Variants in DIRAS1 observed in about 807,000 individuals in gnomAD.
The protein encoded by DIRAS1 is GTP-binding protein Di-Ras1.
DIRAS1 carries 3 observed loss-of-function variants against 11.5 expected under a neutral mutation model. The ratio of observed to expected loss-of-function variants is 0.26; its 90% CI spans 0.12 to 0.67. DIRAS1 has a LOEUF of 0.67. Among genes scored for constraint, DIRAS1 ranks in the 30% least tolerant of loss-of-function variants. DIRAS1 has a pLI of 0.80. For synonymous variants in DIRAS1, 128 were observed against 125.8 expected (o/e 1.02, Z -0.12); for missense variants, 212 against 285.3 (o/e 0.74, Z 1.85).
chr19:2,714,773 T>C lies in DIRAS1; in HGVS notation c.*2437A>G, dbSNP rs2014626. 0.68 allele frequency: 103,113 copies of C among 152,668 alleles called. 36,110 individuals carry two copies. Among genetic ancestry groups the C allele is most frequent in the African/African-American group, 0.88 (36,704 of 41,536 alleles). The allele number at this position is 152,668 out of a possible 1,614,324, so 9.5% of individuals were successfully genotyped here. A position where few individuals can be genotyped will look rare whatever the true frequency, so the allele number is the denominator to read the frequency against. ...GGCCAGCAGCCAGGACAGGCTCGGG[T>C]CCCCTCCTATTGCAGATGCCCTCTC... On this transcript the variant is annotated 3_prime_UTR_variant, in exon 2 of 2. Transcript: ENST00000323469.
chr19:2,720,046 C>G (rs539670877), intron 1 of DIRAS1, among the ~76,000 whole-genome samples: 1 of 152,168 alleles, frequency 6.6e-6, no homozygotes, highest in Non-Finnish European at 1.5e-5. Context: ...CTGGGCGCCT[C>G]GGCAATGCCA....
chr19:2,717,645 C>A lies in DIRAS1; in HGVS notation c.162G>T (p.Val54=). 6.2e-7 allele frequency: 1 copy of A among 1,613,176 alleles called. No homozygotes were observed. The highest frequency in any genetic ancestry group is 8.5e-7 in the Non-Finnish European group (1 of 1,180,006). Residue 54 remains valine, a synonymous_variant, in exon 2 of 2, where the codon GTG becomes GTT. Transcript: ENST00000323469. ...YRQVISCDKS[V]CTLQITDTTG... is the part of the protein sequence containing the mutation. ...TGGTGTCTGTGATCTGCAGCGTGCA[C>A]ACGCTCTTGTCGCAGCTGATCACCT...
rs889333363 is a variant in DIRAS1, at chr19:2,715,432, C to T, written c.*1778G>A. The T allele has an allele frequency of 3.2e-4, 48 of 152,340 alleles. 1 individual carries two copies. Among genetic ancestry groups the T allele is most frequent in the Middle Eastern group, 3.4e-3 (1 of 296 alleles). The allele number at this position is 152,340 out of a possible 1,614,324, so 9.4% of individuals were successfully genotyped here. Reference sequence around the variant, plus strand: ...AGAACAAAGGGCAGCTTCCAGCCAACAGCCAGCGAGGAACTGAGGCCTTCA... The same window carrying T: ...AGAACAAAGGGCAGCTTCCAGCCAATAGCCAGCGAGGAACTGAGGCCTTCA... On this transcript the variant is annotated 3_prime_UTR_variant, in exon 2 of 2. Coordinates refer to ENST00000323469, the MANE Select transcript of DIRAS1 (RefSeq NM_145173.4).
Position 2,717,585 on chromosome 19 carries a change from C to A in DIRAS1, c.222G>T (p.Leu74=), listed in dbSNP as rs563897648. 1.1e-5 allele frequency: 17 copies of A among 1,613,164 alleles called. No individual in the cohort carries two copies. The South Asian group carries it at 1.9e-4, about 18-fold the overall frequency. ...TGAAGGCGTGGCCCTTGGAGATGGA[C>A]AGGCGCTGCATGGCCGGGAACTGGT... ...GSHQFPAMQR[L]SISKGHAFIL... is the part of the protein sequence containing the mutation. The change falls in exon 2 of 2, where the codon CTG becomes CTT. Residue 74 remains leucine (L), a synonymous_variant. Coordinates refer to ENST00000323469, the MANE Select transcript of DIRAS1 (RefSeq NM_145173.4).
At position 2,718,977 on chromosome 19, in the gene DIRAS1, C is replaced by T. The variant is rs1426969883; in HGVS notation, c.-69-1102G>A. On this transcript the variant is annotated intron_variant, in intron 1 of 1. Coordinates refer to ENST00000323469, the MANE Select transcript of DIRAS1 (RefSeq NM_145173.4). The surrounding 1 kb of genome is among the most constrained non-coding windows in gnomAD (Gnocchi z 4.2). ...CTGGGATTACAGGCATGCACCACCA[C>T]ACCCGGCTAATTTTTGTATTTTCAG... Among the ~76,000 whole-genome samples the T allele has an allele frequency of 9.2e-5, 14 of 151,900 alleles. No individual in the cohort carries two copies.
Position 2,717,787 on chromosome 19 carries a change from T to C in DIRAS1, c.20A>G (p.Asp7Gly). The change falls in exon 2 of 2, where the codon GAT (aspartate) becomes GGT (glycine). Residue 7 changes from aspartate (D) to glycine (G), a missense_variant. Asp to Gly is a moderately conservative substitution (Grantham distance 94). This residue lies in a region of DIRAS1 where 128 missense variants were observed against 205.3 expected (regional missense o/e 0.62). Transcript: ENST00000323469. The stretch of plus-strand genomic sequence containing the variant: ...CGCCCCGAACACCACCACGCGGTAA[T>C]CGTTACTCTGTTCCGGCATCTTCCC... MPEQSN[D>G]YRVVVFGAGG... 6.3e-7 allele frequency: 1 copy of C among 1,599,578 alleles called. No individual in the cohort carries two copies. The highest frequency in any genetic ancestry group is 8.5e-7 in the Non-Finnish European group (1 of 1,178,834).
intron 1 of DIRAS1, 109 bp from the exon 2 acceptor site, chr19:2,717,984 C>T (rs982344213): frequency 9.0e-6 from 6 of 667,042 alleles, no homozygotes; most frequent in Admixed American, 6.0e-5. Flanking sequence ...AGGTGGCTGC[C>T]GTGCCTCCTG....
intron 1 of DIRAS1, among the ~76,000 whole-genome samples, chr19:2,719,676 G>C (rs1038253118): frequency 6.6e-6 from 1 of 151,656 alleles, no homozygotes; most frequent in African/African-American, 2.4e-5. Flanking sequence ...GGGGGTGGGG[G>C]TGTGTTTATG....
rs891618307 is a variant in DIRAS1 at position 2,716,879 on chromosome 19, C to A, written c.*331G>T. On this transcript the variant is annotated 3_prime_UTR_variant, in exon 2 of 2. Transcript: ENST00000323469. ...AGAGATGGAAACGGGGAAACGCAGC[C>A]TCCTCTGGTCCTGGTGGGAACAAGC... is the stretch of plus-strand genomic sequence containing the variant. 10 of 309,650 alleles carry A rather than the reference C, an allele frequency of 3.2e-5. No homozygotes were observed. The highest frequency in any genetic ancestry group is 1.9e-4 in the African/African-American group (9 of 46,998). 19.2% of individuals were successfully genotyped at this position (309,650 alleles called of 1,614,324 possible).
Position 2,717,527 on chromosome 19 carries a change from G to A in DIRAS1, c.280C>T (p.Leu94=). The A allele has an allele frequency of 1.2e-6, 2 of 1,613,120 alleles. No homozygotes were observed. The highest frequency in any genetic ancestry group is 1.7e-6 in the Non-Finnish European group (2 of 1,179,920). Residue 94 remains leucine, a synonymous_variant, in exon 2 of 2, where the codon CTG becomes TTG. Transcript: ENST00000323469. ...LVFSVTSKQS[L]EELGPIYKLI... ...TTGTAGATGGGCCCCAGCTCCTCCA[G>A]CGACTGCTTGCTGGTGACGGAGAAC...
At chr19:2,720,670 G>A (rs1201835228) in intron 1 of DIRAS1, among the ~76,000 whole-genome samples, 4 of 152,164 alleles carry the variant, frequency 2.6e-5, no homozygotes, top group Non-Finnish European at 5.9e-5. Flanking sequence ...GGTGGGGGCG[G>A]GGGTGTCAAA....
intron 1 of DIRAS1, 39 bp from the exon 2 acceptor site, chr19:2,717,914 G>T (rs1289204116): frequency 8.4e-7 from 1 of 1,187,206 alleles, no homozygotes; most frequent in East Asian, 2.6e-5. Context: ...AGGCCACCCA[G>T]GCTTGAGGGG....
chr19:2,721,061 G>T (rs1913942682), intron 1 of DIRAS1, among the ~76,000 whole-genome samples: 1 of 149,928 alleles, frequency 6.7e-6, no homozygotes, highest in African/African-American at 2.4e-5. Flanking sequence ...GCTCGGCAGG[G>T]GGGCGCCCTC....
At position 2,717,834 on chromosome 19, in the gene DIRAS1, G is replaced by C. The variant is rs771125387; in HGVS notation, c.-28C>G. On this transcript the variant is annotated 5_prime_UTR_variant, in exon 2 of 2. Transcript: ENST00000323469. ...TCCCCGCGGCGGGTGGGCGGCCGGG[G>C]CCGGGAGGGCTGGTGCCAGCTGCAA... 1.3e-6 allele frequency: 2 copies of C among 1,561,150 alleles called. No homozygotes were observed. The highest frequency in any genetic ancestry group is 1.7e-6 in the Non-Finnish European group (2 of 1,157,946).
rs1365675833 is a variant in DIRAS1, at chr19:2,714,817, G to A, written c.*2393C>T. On this transcript the variant is annotated 3_prime_UTR_variant, in exon 2 of 2. Coordinates refer to ENST00000323469, the MANE Select transcript of DIRAS1 (RefSeq NM_145173.4). ...CCCTCTCTCCCCAGGGTCGGGCAGG[G>A]CCTGAGGTGGGAGAGGCCTGGAGGT... The A allele has an allele frequency of 1.3e-5, 2 of 152,698 alleles. No homozygotes were observed. Among genetic ancestry groups the A allele is most frequent in the Non-Finnish European group, 2.9e-5 (2 of 68,216 alleles). 9.5% of individuals were successfully genotyped at this position (152,698 alleles called of 1,614,324 possible). A position where few individuals can be genotyped will look rare whatever the true frequency, so the allele number is the denominator to read the frequency against.
Position 2,718,454 on chromosome 19 carries a change from C to G in DIRAS1, c.-69-579G>C, listed in dbSNP as rs1913878945. ...GTTTAAGATGCATATGTCAGGGCCG[C>G]AGCCCTAGGTGTGATGAATCGGTCG... On this transcript the variant is annotated intron_variant, in intron 1 of 1. Coordinates refer to ENST00000323469, the MANE Select transcript of DIRAS1 (RefSeq NM_145173.4). This position sits in a 1 kb window ranked among gnomAD's most constrained non-coding sequence, Gnocchi z 4.2. 6.6e-6 allele frequency among the ~76,000 whole-genome samples: 1 copy of G among 152,248 alleles called. No individual in the cohort carries two copies. Among genetic ancestry groups the G allele is most frequent in the Non-Finnish European group, 1.5e-5 (1 of 68,036 alleles).
rs148988882 is a variant in DIRAS1 at position 2,717,546 on chromosome 19, G to A, written c.261C>T (p.Ser87=). 1.2e-4 allele frequency: 194 copies of A among 1,613,162 alleles called. No individual in the cohort carries two copies. The highest frequency in any genetic ancestry group is 1.4e-4 in the Non-Finnish European group (162 of 1,179,886). ...CCTCCAGCGACTGCTTGCTGGTGAC[G>A]GAGAACACCAGGATGAAGGCGTGGC... is the stretch of plus-strand genomic sequence containing the variant. ...SKGHAFILVF[S]VTSKQSLEEL... The change falls in exon 2 of 2, where the codon TCC becomes TCT. Residue 87 remains serine (S), a synonymous_variant. Coordinates refer to ENST00000323469, the MANE Select transcript of DIRAS1 (RefSeq NM_145173.4).
rs890719688 is a variant in DIRAS1 at position 2,714,862 on chromosome 19, T to C, written c.*2348A>G. 5 of 152,610 alleles carry C rather than the reference T, an allele frequency of 3.3e-5. No individual in the cohort carries two copies. The highest frequency in any genetic ancestry group is 1.2e-4 in the African/African-American group (5 of 41,524). 9.5% of individuals were successfully genotyped at this position (152,610 alleles called of 1,614,324 possible). On this transcript the variant is annotated 3_prime_UTR_variant, in exon 2 of 2. Transcript: ENST00000323469. The stretch of plus-strand genomic sequence containing the variant: ...GGAGGTGGGCAGGGCCCCAAGGAGA[T>C]TGTGCTATCAGGGTGTGTCCCTGAG...
rs994988463 is a variant in DIRAS1, at chr19:2,715,014, G to A, written c.*2196C>T. On this transcript the variant is annotated 3_prime_UTR_variant, in exon 2 of 2. Coordinates refer to ENST00000323469, the MANE Select transcript of DIRAS1 (RefSeq NM_145173.4). ...GCCCTGGGCCAGCCCAAGTTTTGGGGGGACCCAGCTCTGCTCAGACACAAT... is the reference window on the plus strand; with the variant it reads ...GCCCTGGGCCAGCCCAAGTTTTGGGAGGACCCAGCTCTGCTCAGACACAAT... 1.3e-5 allele frequency: 2 copies of A among 152,518 alleles called. No homozygotes were observed. The highest frequency in any genetic ancestry group is 2.9e-5 in the Non-Finnish European group (2 of 68,114). 9.4% of individuals were successfully genotyped at this position (152,518 alleles called of 1,614,324 possible). A position where few individuals can be genotyped will look rare whatever the true frequency, so the allele number is the denominator to read the frequency against.
Sources: allele counts gnomAD v4.1 joint callset (sites outside exome capture counted in the v4.1 genomes callset), GRCh38; gene constraint gnomAD v4.1.1; regional missense constraint gnomAD v4.1.1; non-coding constraint Gnocchi (gnomAD v3.1); transcripts MANE v1.5; gene names NCBI Gene and HGNC (gene_info 2026-07-23, HGNC 2026-07-21).